Variants in TP63 observed in about 807,000 individuals in gnomAD.
The protein encoded by TP63 is tumor protein p63.
A neutral mutation model predicts 82.8 loss-of-function variants in TP63; 17 were observed. That is an observed-to-expected ratio of 0.21 (90% CI 0.14 to 0.31). The LOEUF (loss-of-function observed/expected upper bound fraction) is 0.31. Among genes scored for constraint, TP63 ranks in the 10% least tolerant of loss-of-function variants. The pLI, the probability that TP63 is intolerant of heterozygous loss-of-function variation, is 1.00. For missense variants in TP63, 648 were observed against 895.3 expected, an observed-to-expected ratio of 0.72 and a Z score of 3.52; for synonymous variants, 330 against 321.7, an observed-to-expected ratio of 1.03 and a Z score of -0.28.
intron 1 of TP63, among the ~76,000 whole-genome samples, chr3:189,731,632 A>G (rs1720182455): frequency 6.6e-6 from 1 of 152,236 alleles, no homozygotes; most frequent in Non-Finnish European, 1.5e-5. Flanking sequence ...GAGGGAGTGC[A>G]GACCATTGGC....
chr3:189,824,316 G>T (rs973375288), intron 4 of TP63, among the ~76,000 whole-genome samples: 1 of 151,748 alleles, frequency 6.6e-6, no homozygotes, highest in East Asian at 1.9e-4. Context: ...TCCTGGGTTC[G>T]AGCCATTCCG....
chr3:189,656,710 C>A (rs184868202), intron 1 of TP63, among the ~76,000 whole-genome samples: 86 of 152,076 alleles, frequency 5.7e-4, no homozygotes, highest in African/African-American at 2.0e-3. Context: ...CAGCTATATT[C>A]ATAAGGGACA....
chr3:189,773,403 G>C (rs755961554), intron 3 of TP63, among the ~76,000 whole-genome samples: 44 of 152,194 alleles, frequency 2.9e-4, no homozygotes, highest in Non-Finnish European at 4.9e-4. Flanking sequence ...CCATTGTGAA[G>C]TAAAGTCGTG....
intron 3 of TP63, among the ~76,000 whole-genome samples, chr3:189,750,802 T>G (rs549282125): frequency 1.3e-4 from 20 of 152,134 alleles, no homozygotes; most frequent in Non-Finnish European, 1.6e-4. Context: ...TGGTGTCAAG[T>G]GCCTTTTATT....
chr3:189,708,453 T>C (rs1718359589), intron 1 of TP63, among the ~76,000 whole-genome samples: 1 of 152,204 alleles, frequency 6.6e-6, no homozygotes, highest in Admixed American at 6.5e-5. Flanking sequence ...TACAGCAGTA[T>C]TTAATTTGGT....
intron 3 of TP63, among the ~76,000 whole-genome samples, chr3:189,760,062 T>C (rs528093970): frequency 1.3e-5 from 2 of 152,278 alleles, no homozygotes; most frequent in East Asian, 3.9e-4. Context: ...GATTCAATCC[T>C]CTACCACTGG....
intron 1 of TP63, among the ~76,000 whole-genome samples, chr3:189,705,168 A>G (rs1718106894): frequency 6.6e-6 from 1 of 152,250 alleles, no homozygotes. Context: ...GAAGCTGTAT[A>G]GTGCAGACTC....
chr3:189,852,381 G>A (rs556667988), intron 4 of TP63, among the ~76,000 whole-genome samples: 10 of 152,348 alleles, frequency 6.6e-5, no homozygotes, highest in African/African-American at 2.4e-4. Flanking sequence ...GGAGCTCTGT[G>A]TTAAAATTAA....
At chr3:189,804,651 A>T (rs901724803) in intron 3 of TP63, among the ~76,000 whole-genome samples, 3 of 152,268 alleles carry the variant, frequency 2.0e-5, no homozygotes. Flanking sequence ...TAGATATTTT[A>T]AAAATTAACT....
intron 8 of TP63, 69 bp downstream of exon 8, chr3:189,868,785 T>C (rs929246344): frequency 9.9e-6 from 16 of 1,610,964 alleles, no homozygotes; most frequent in Non-Finnish European, 1.4e-5. Context: ...TGGGGTGATA[T>C]TGGAGAAGCT....
At chr3:189,826,500 G>T (rs181692504) in intron 4 of TP63, among the ~76,000 whole-genome samples, 32 of 152,276 alleles carry the variant, frequency 2.1e-4, no homozygotes, top group Non-Finnish European at 4.0e-4. Flanking sequence ...GGAAATATTC[G>T]TAAAATAGAA....
chr3:189,701,102 A>G (rs1220929634), intron 1 of TP63, among the ~76,000 whole-genome samples: 3 of 152,144 alleles, frequency 2.0e-5, no homozygotes, highest in Non-Finnish European at 2.9e-5. Context: ...TCCTCCTTCA[A>G]CTTCCAACAT....
chr3:189,677,301 T>TA (rs1715492572), intron 1 of TP63, among the ~76,000 whole-genome samples: 1 of 97,400 alleles, frequency 1.0e-5, no homozygotes, highest in African/African-American at 2.9e-5. Flanking sequence ...TATATAAATG[T>TA]TTTATATATA....
chr3:189,879,001 A>G (rs1168642211), intron 10 of TP63, among the ~76,000 whole-genome samples: 1 of 152,072 alleles, frequency 6.6e-6, no homozygotes, highest in African/African-American at 2.4e-5. Flanking sequence ...TTGGTAATGA[A>G]GAAAAAACTC....
Position 189,775,239 on chromosome 3 carries a change from AAAAG to A in TP63, c.325-33017_325-33014del, listed in dbSNP as rs1397254906. On this transcript the variant is annotated intron_variant, in intron 3 of 13. Coordinates refer to ENST00000264731, the MANE Select transcript of TP63 (RefSeq NM_003722.5). ...CTGTCTCAAAAAAAAAAAAAAAAAAAAAAGAAAGAAAGAAAGAAAAAAATTGACT... is the reference window on the plus strand; with the variant it reads ...CTGTCTCAAAAAAAAAAAAAAAAAAAAAAGAAAGAAAGAAAAAAATTGACT... Among the ~76,000 whole-genome samples, 15 of 138,738 alleles carry A rather than the reference AAAAG, an allele frequency of 1.1e-4. No homozygotes were observed. In the East Asian group the frequency reaches 1.2e-3, roughly 11 times the overall value. The allele number at this position is 138,738 out of a possible 152,430, so 91.0% of individuals were successfully genotyped here. A position where few individuals can be genotyped will look rare whatever the true frequency, so the allele number is the denominator to read the frequency against.
intron 1 of TP63, among the ~76,000 whole-genome samples, chr3:189,710,396 A>G (rs1718506263): frequency 6.6e-6 from 1 of 152,192 alleles, no homozygotes; most frequent in Non-Finnish European, 1.5e-5. Flanking sequence ...CAGCTTTCAG[A>G]TTCCTGCTTT....
At chr3:189,878,380 G>A (rs1188449788) in intron 10 of TP63, among the ~76,000 whole-genome samples, 2 of 135,038 alleles carry the variant, frequency 1.5e-5, no homozygotes, top group Non-Finnish European at 3.2e-5. Context: ...AGCTTTTACA[G>A]TTTCCTTTTT....
In TP63 at chr3:189,648,640, TTGAG is replaced by T. The variant is rs1276196145; in HGVS notation, c.62+17065_62+17068del. 2.7e-5 allele frequency among the ~76,000 whole-genome samples: 4 copies of T among 147,454 alleles called. 1 individual carries two copies. Among genetic ancestry groups the T allele is most frequent in the Non-Finnish European group, 5.9e-5 (4 of 67,372 alleles). On this transcript the variant is annotated intron_variant, in intron 1 of 13. Transcript: ENST00000264731. Reference sequence around the variant, plus strand: ...TTAGGATAAATGAATCTTAACAGGATTGAGTAATTAACTCCAAATCACAAAGCTG... The same window carrying T: ...TTAGGATAAATGAATCTTAACAGGATTAATTAACTCCAAATCACAAAGCTG...
chr3:189,776,904 G>C (rs977406387), intron 3 of TP63, among the ~76,000 whole-genome samples: 14 of 152,162 alleles, frequency 9.2e-5, no homozygotes, highest in Non-Finnish European at 1.3e-4. Flanking sequence ...CAAAATTCTA[G>C]GGTCTTTTAA....
Sources: gnomAD v4.1 joint callset for allele counts (sites outside exome capture counted in the v4.1 genomes callset) on GRCh38, gnomAD v4.1.1 for gene constraint, MANE v1.5 for transcripts, NCBI Gene and HGNC (gene_info 2026-07-23, HGNC 2026-07-21) for gene names.